SDC1: variants seen among roughly 807,000 people sequenced by gnomAD.
SDC1 encodes syndecan 1.
Under a neutral mutation model 29.7 loss-of-function variants are expected in SDC1, and 14 were observed. The ratio of observed to expected loss-of-function variants is 0.47; its 90% CI spans 0.31 to 0.74. SDC1 has a LOEUF of 0.74. SDC1 is among the 30% of genes least tolerant of loss of function. The pLI, the probability that SDC1 is intolerant of heterozygous loss-of-function variation, is 0.05. For synonymous variants in SDC1, 204 were observed against 175.5 expected (o/e 1.16, Z -1.29); for missense variants, 406 against 400.3 (o/e 1.01, Z -0.12).
Position 20,224,114 on chromosome 2 carries a change from A to T in SDC1, c.66+688T>A. On this transcript the variant is annotated intron_variant, in intron 1 of 4. Coordinates refer to ENST00000254351, the MANE Select transcript of SDC1 (RefSeq NM_002997.5). This position sits in a 1 kb window ranked among gnomAD's most constrained non-coding sequence, Gnocchi z 4.9. ...GCCAGCTCAACTTCAGCAGCCCAGA[A>T]GTTGGGCTCCTCCGGGTCTCCAGCG... 1 of 415,874 alleles carries T rather than the reference A, an allele frequency of 2.4e-6. No individual in the cohort carries two copies. The highest frequency in any genetic ancestry group is 4.8e-6 in the Non-Finnish European group (1 of 207,786). The allele number at this position is 415,874 out of a possible 1,614,324, so 25.8% of individuals were successfully genotyped here.
At chr2:20,220,952 T>A (rs1677798148) in intron 1 of SDC1, among the ~76,000 whole-genome samples, 1 of 152,220 alleles carries the variant, frequency 6.6e-6, no homozygotes, top group African/African-American at 2.4e-5. Flanking sequence ...CAGCTACCTG[T>A]GACCAGCAAG....
At position 20,200,958 on chromosome 2, in the gene SDC1, T is replaced by A. The variant is rs1572455090; in HGVS notation, c.*1808A>T. 1 of 152,164 alleles carries A rather than the reference T, an allele frequency of 6.6e-6. No individual in the cohort carries two copies. Among genetic ancestry groups the A allele is most frequent in the East Asian group, 1.9e-4 (1 of 5,176 alleles). 9.4% of individuals were successfully genotyped at this position (152,164 alleles called of 1,614,324 possible). On this transcript the variant is annotated 3_prime_UTR_variant, in exon 5 of 5. Transcript: ENST00000254351. ...ACACTCCAGGCAGAAAGTCGCAGTA[T>A]CGAATACCGGACACAGGTTCCCTTG...
chr2:20,214,618 C>T (rs1677576058), intron 1 of SDC1, among the ~76,000 whole-genome samples: 2 of 152,126 alleles, frequency 1.3e-5, no homozygotes, highest in African/African-American at 2.4e-5. Flanking sequence ...GTTGAGATGG[C>T]TGAAAGGGAG....
intron 1 of SDC1, among the ~76,000 whole-genome samples, chr2:20,220,982 G>C (rs530581651): frequency 2.6e-5 from 4 of 152,302 alleles, no homozygotes; most frequent in East Asian, 1.9e-4. Flanking sequence ...AGTCAAACCA[G>C]GTCGAGGAAC....
intron 1 of SDC1, among the ~76,000 whole-genome samples, chr2:20,218,620 CACAG>C (rs1296740486): frequency 6.6e-6 from 1 of 150,450 alleles, no homozygotes; most frequent in Non-Finnish European, 1.5e-5. Context: ...CGCAGACACA[CACAG>C]ACACATAAAC....
chr2:20,204,401 C>G, intron 2 of SDC1, 110 bp from the exon 3 acceptor site: 1 of 733,310 alleles, frequency 1.4e-6, no homozygotes, highest in Non-Finnish European at 2.3e-6. Flanking sequence ...GCTGGCCAAG[C>G]TCAGGCTATG....
chr2:20,212,687 T>C (rs1677505318), intron 1 of SDC1, among the ~76,000 whole-genome samples: 1 of 151,636 alleles, frequency 6.6e-6, no homozygotes, highest in South Asian at 2.1e-4. Context: ...CTGCCGAGGG[T>C]ATGACAGGCA....
At chr2:20,215,005 G>A (rs1447766011) in intron 1 of SDC1, among the ~76,000 whole-genome samples, 1 of 152,166 alleles carries the variant, frequency 6.6e-6, no homozygotes, top group Non-Finnish European at 1.5e-5. Context: ...CTGTCCCAAG[G>A]CACACAGCCA....
chr2:20,204,393 T>C (rs1376892971), intron 2 of SDC1, 102 bp from the exon 3 acceptor site: 4 of 767,610 alleles, frequency 5.2e-6, no homozygotes, highest in Non-Finnish European at 8.8e-6. Flanking sequence ...GCACCTGGGC[T>C]GGCCAAGCTC....
chr2:20,222,812 C>A (rs1287312605), intron 1 of SDC1, among the ~76,000 whole-genome samples: 1 of 152,226 alleles, frequency 6.6e-6, no homozygotes, highest in African/African-American at 2.4e-5. Flanking sequence ...GGAATGTCTG[C>A]TTTACCCCAG....
chr2:20,209,737 C>A (rs1417893028), intron 1 of SDC1, among the ~76,000 whole-genome samples: 1 of 152,262 alleles, frequency 6.6e-6, no homozygotes, highest in Non-Finnish European at 1.5e-5. Flanking sequence ...TCCTTGGCAA[C>A]CTCCGTCTCA....
intron 2 of SDC1, 64 bp downstream of exon 2, chr2:20,205,279 A>T (rs992379898): frequency 4.1e-6 from 5 of 1,229,050 alleles, no homozygotes; most frequent in South Asian, 3.6e-5. Context: ...AGACTGCCTG[A>T]CCACTGCCCA....
At chr2:20,220,276 C>T (rs533392302) in intron 1 of SDC1, among the ~76,000 whole-genome samples, 1 of 152,320 alleles carries the variant, frequency 6.6e-6, no homozygotes, top group South Asian at 2.1e-4. Flanking sequence ...TAGAGCCTTG[C>T]AGGGTTCAGC....
In SDC1 at chr2:20,203,150, G is replaced by A. The variant is rs762435409; in HGVS notation, c.700C>T (p.Pro234Ser). ...AVEPDRRNQSPVDQGATGASQ... is the reference protein window; with the variant it reads ...AVEPDRRNQSSVDQGATGASQ... ...GCCCCCGTGGCCCCCTGATCCACTG[G>A]GGACTGGTTCCGGCGGTCAGGCTCC... The change falls in exon 4 of 5, where the codon CCA (proline) becomes TCA (serine). Residue 234 changes from proline (P) to serine (S), a missense_variant. Pro to Ser is a moderately conservative substitution (Grantham distance 74). Transcript: ENST00000254351. 26 of 1,613,096 alleles carry A rather than the reference G, an allele frequency of 1.6e-5. No homozygotes were observed. The South Asian group carries it at 2.0e-4, about 12-fold the overall frequency.
At chr2:20,208,101 A>G (rs1558433567) in intron 1 of SDC1, 1 of 985,450 alleles carries the variant, frequency 1.0e-6, no homozygotes, top group Non-Finnish European at 1.2e-6. Flanking sequence ...AGCTAGAACC[A>G]TTGGATCCAT....
chr2:20,202,663 A>G lies in SDC1; in HGVS notation c.*103T>C. 1 of 1,121,610 alleles carries G rather than the reference A, an allele frequency of 8.9e-7. No individual in the cohort carries two copies. The allele number at this position is 1,121,610 out of a possible 1,614,324, so 69.5% of individuals were successfully genotyped here. ...GACCAGAGGGGCTGGAATGCTGGGG[A>G]GGTGGCCTGGTGGCAGGGGAGGCCA... On this transcript the variant is annotated 3_prime_UTR_variant, in exon 5 of 5. Coordinates refer to ENST00000254351, the MANE Select transcript of SDC1 (RefSeq NM_002997.5).
At chr2:20,221,659 T>C (rs947925101) in intron 1 of SDC1, among the ~76,000 whole-genome samples, 1 of 152,222 alleles carries the variant, frequency 6.6e-6, no homozygotes, top group African/African-American at 2.4e-5. Flanking sequence ...CCAAGGGATT[T>C]CAGGAATCCA....
intron 1 of SDC1, among the ~76,000 whole-genome samples, chr2:20,217,311 T>C (rs1355044629): frequency 6.6e-6 from 1 of 152,152 alleles, no homozygotes; most frequent in Non-Finnish European, 1.5e-5. Context: ...GGACCAGATA[T>C]GGAACTCTCA....
chr2:20,218,018 A>T (rs1245032972), intron 1 of SDC1, among the ~76,000 whole-genome samples: 1 of 152,140 alleles, frequency 6.6e-6, no homozygotes, highest in Non-Finnish European at 1.5e-5. Flanking sequence ...TTGGGCAACC[A>T]ACTCTCCTTC....
Sources: gnomAD v4.1 joint callset for allele counts (sites outside exome capture counted in the v4.1 genomes callset) on GRCh38, gnomAD v4.1.1 for gene constraint, Gnocchi (gnomAD v3.1) non-coding constraint, MANE v1.5 for transcripts, NCBI Gene and HGNC (gene_info 2026-07-23, HGNC 2026-07-21) for gene names.